KALRN: variants seen among roughly 807,000 people sequenced by gnomAD.
The protein encoded by KALRN is kalirin RhoGEF kinase.
Under a neutral mutation model 353.7 loss-of-function variants are expected in KALRN, and 70 were observed. That is an observed-to-expected ratio of 0.20 (90% CI 0.16 to 0.24). The LOEUF is 0.24. Among genes scored for constraint, KALRN ranks in the 10% least tolerant of loss-of-function variants. KALRN has a pLI of 1.00. For missense variants in KALRN, 2,791 were observed against 3,756.7 expected (o/e 0.74, Z 6.72); for synonymous variants, 1,391 against 1,434.8 (o/e 0.97, Z 0.69).
intron 47 of KALRN, among the ~76,000 whole-genome samples, chr3:124,669,039 A>C (rs1209516224): frequency 6.6e-6 from 1 of 152,234 alleles, no homozygotes; most frequent in East Asian, 1.9e-4. Context: ...GCTCTGTGCC[A>C]GGCACTATGC....
At chr3:124,129,616 G>A (rs981949091) in intron 1 of KALRN, among the ~76,000 whole-genome samples, 2 of 152,202 alleles carry the variant, frequency 1.3e-5, no homozygotes, top group African/African-American at 4.8e-5. Context: ...CATGATGGGT[G>A]GAGGTTGGAT....
intron 11 of KALRN, among the ~76,000 whole-genome samples, chr3:124,390,148 T>A (rs2089130960): frequency 6.6e-6 from 1 of 152,240 alleles, no homozygotes; most frequent in Admixed American, 6.5e-5. Flanking sequence ...TCATTCTTTT[T>A]GTCCAGGAAC....
At chr3:124,276,117 C>A (rs1233576160) in intron 5 of KALRN, among the ~76,000 whole-genome samples, 2 of 152,144 alleles carry the variant, frequency 1.3e-5, no homozygotes, top group Non-Finnish European at 2.9e-5. Flanking sequence ...AAACTTGGGG[C>A]CAGAAATACT....
At chr3:124,630,359 G>A (rs549336865) in intron 34 of KALRN, among the ~76,000 whole-genome samples, 48 of 151,744 alleles carry the variant, frequency 3.2e-4, no homozygotes, top group Admixed American at 5.9e-4. Context: ...CTGGGCGGGT[G>A]TAGACATGAA....
chr3:124,270,824 G>GTTTTTTTTTTTTTTTTTTTTTTTTTGT (rs777615656), intron 5 of KALRN, among the ~76,000 whole-genome samples: 1 of 78,630 alleles, frequency 1.3e-5, no homozygotes, highest in African/African-American at 5.2e-5. Flanking sequence ...TTTTTGTTTT[G>GTTTTTTTTTTTTTTTTTTTTTTTTTGT]TTTTTTTTTT....
intron 31 of KALRN, 68 bp downstream of exon 31, chr3:124,491,492 C>T (rs1220927377): frequency 6.7e-6 from 8 of 1,196,732 alleles, no homozygotes; most frequent in South Asian, 3.3e-5. Flanking sequence ...GGGCAAGTGA[C>T]ACCTCAAAGC....
rs555940046 is a variant in KALRN, at chr3:124,209,618, C to T, written c.74-18372C>T. On this transcript the variant is annotated intron_variant, in intron 1 of 59. Transcript: ENST00000682506. ...TATCCTGAAATGCTAAAGGAATTTG[C>T]CTATGTGGTTTTAGAGAAACCACTA... Among the ~76,000 whole-genome samples the T allele has an allele frequency of 1.5e-3, 233 of 151,954 alleles. 1 individual carries two copies. The highest frequency in any genetic ancestry group is 2.9e-3 in the Non-Finnish European group (198 of 67,982).
At chr3:124,716,364 C>A (rs1279925260) in intron 58 of KALRN, among the ~76,000 whole-genome samples, 1 of 152,070 alleles carries the variant, frequency 6.6e-6, no homozygotes, top group Non-Finnish European at 1.5e-5. Context: ...TCTCTACTAA[C>A]AATACAAAAA....
rs901301894 is a variant in KALRN at position 124,721,134 on chromosome 3, A to C, written c.*1664A>C. Reference sequence around the variant, plus strand: ...AAGCCTGAACTTTAACATATAAAAAACACTTATTCCCACAGAGAAAATGTA... The same window carrying C: ...AAGCCTGAACTTTAACATATAAAAACCACTTATTCCCACAGAGAAAATGTA... On this transcript the variant is annotated 3_prime_UTR_variant, in exon 60 of 60. Coordinates refer to ENST00000682506, the MANE Select transcript of KALRN (RefSeq NM_001388419.1). 2.6e-5 allele frequency: 4 copies of C among 152,236 alleles called. No homozygotes were observed. The highest frequency in any genetic ancestry group is 9.6e-5 in the African/African-American group (4 of 41,460). The allele number at this position is 152,236 out of a possible 1,614,324, so 9.4% of individuals were successfully genotyped here.
intron 1 of KALRN, among the ~76,000 whole-genome samples, chr3:124,070,016 A>T (rs564221271): frequency 1.3e-5 from 2 of 152,258 alleles, no homozygotes; most frequent in South Asian, 2.1e-4. Flanking sequence ...ACAACAGCTT[A>T]AAAAAATGTA....
chr3:124,646,198 A>G (rs560970216), intron 37 of KALRN, among the ~76,000 whole-genome samples: 2 of 152,172 alleles, frequency 1.3e-5, no homozygotes, highest in Admixed American at 6.5e-5. Flanking sequence ...GTTACATAGC[A>G]TATTTAATAA....
chr3:124,565,897 T>C (rs369924514), intron 34 of KALRN, among the ~76,000 whole-genome samples: 1 of 152,094 alleles, frequency 6.6e-6, no homozygotes, highest in African/African-American at 2.4e-5. Flanking sequence ...GTCTCGACTA[T>C]AGGACAGATT....
chr3:124,624,063 C>A (rs1289327988), intron 34 of KALRN, among the ~76,000 whole-genome samples: 3 of 152,160 alleles, frequency 2.0e-5, no homozygotes, highest in Admixed American at 2.0e-4. Context: ...ATAAACAGTT[C>A]ATAAGTTATA....
At chr3:124,673,046 A>G (rs1269378586) in intron 48 of KALRN, among the ~76,000 whole-genome samples, 1 of 152,136 alleles carries the variant, frequency 6.6e-6, no homozygotes, top group Non-Finnish European at 1.5e-5. Context: ...ACCTTAAAAA[A>G]CAATCCTGCC....
chr3:124,677,334 T>G (rs1390058174), intron 49 of KALRN: 1 of 211,862 alleles, frequency 4.7e-6, no homozygotes, highest in Non-Finnish European at 9.4e-6. Flanking sequence ...GTCTTTGAGA[T>G]CTGATATTTA....
At chr3:124,672,048 A>G (rs2086530595) in intron 48 of KALRN, 150 bp downstream of exon 48, 1 of 687,436 alleles carries the variant, frequency 1.5e-6, no homozygotes, top group South Asian at 1.7e-5. Context: ...TCCCAGGTTC[A>G]AGCGAATTCT....
At chr3:124,430,884 C>T (rs1391309600) in intron 16 of KALRN, 109 bp downstream of exon 16, 1 of 1,336,352 alleles carries the variant, frequency 7.5e-7, no homozygotes, top group Admixed American at 2.3e-5. Context: ...AGGCTGTACC[C>T]CTTCTAGTAG....
At chr3:124,257,952 T>C (rs1560382215) in intron 3 of KALRN, among the ~76,000 whole-genome samples, 1 of 152,214 alleles carries the variant, frequency 6.6e-6, no homozygotes, top group Non-Finnish European at 1.5e-5. Context: ...TGATTTGGGC[T>C]AATAAATATC....
At chr3:124,539,935 A>G (rs1294950629) in intron 33 of KALRN, among the ~76,000 whole-genome samples, 1 of 148,452 alleles carries the variant, frequency 6.7e-6, no homozygotes, top group Non-Finnish European at 1.5e-5. Flanking sequence ...GGGGGGGGAC[A>G]GGGTCTCACT....
Sources: allele counts gnomAD v4.1 joint callset (sites outside exome capture counted in the v4.1 genomes callset), GRCh38; gene constraint gnomAD v4.1.1; transcripts MANE v1.5; gene names NCBI Gene and HGNC (gene_info 2026-07-23, HGNC 2026-07-21).